ENPEP: variants seen among roughly 807,000 people sequenced by gnomAD.
The protein encoded by ENPEP is glutamyl aminopeptidase, also known as AP-A.
A neutral mutation model predicts 114.5 loss-of-function variants in ENPEP; 103 were observed. The observed-to-expected ratio is 0.90, with a 90% CI of 0.77 to 1.06. ENPEP has a LOEUF of 1.06. ENPEP is among the 50% of genes least tolerant of loss of function. ENPEP has a pLI of 0.00. For missense variants in ENPEP, 1,196 were observed against 1,161.3 expected, an observed-to-expected ratio of 1.03 and a Z score of -0.43; for synonymous variants, 420 against 422.0, an observed-to-expected ratio of 1.00 and a Z score of 0.06.
At chr4:110,505,401 AAT>A (rs1364510868) in intron 3 of ENPEP, among the ~76,000 whole-genome samples, 2 of 152,148 alleles carry the variant, frequency 1.3e-5, no homozygotes, top group Non-Finnish European at 2.9e-5. Context: ...TATTTATGCA[AAT>A]AAAGCAAGAA....
At chr4:110,483,889 T>A (rs1656555217) in intron 1 of ENPEP, among the ~76,000 whole-genome samples, 1 of 152,202 alleles carries the variant, frequency 6.6e-6, no homozygotes, top group Admixed American at 6.5e-5. Context: ...TATTCCTTGT[T>A]TTCAACTTTG....
rs545050822 is a variant in ENPEP at position 110,522,173 on chromosome 4, T to C, written c.1727+1807T>C. On this transcript the variant is annotated intron_variant, in intron 10 of 19. Transcript: ENST00000265162. ...GATTACAGGCGTGAGCCACTGTGCC[T>C]GGACTAGATAGGATTCTTTTTTTTT... 2.8e-3 allele frequency among the ~76,000 whole-genome samples: 424 copies of C among 151,708 alleles called. 2 individuals carry two copies. The highest frequency in any genetic ancestry group is 3.8e-3 in the Non-Finnish European group (258 of 67,894).
At chr4:110,533,113 G>A (rs1203414309) in intron 11 of ENPEP, 1 of 452,498 alleles carries the variant, frequency 2.2e-6, no homozygotes, top group South Asian at 1.6e-5. Context: ...GAATATCTCG[G>A]CAGCTGTTTG....
In ENPEP at chr4:110,476,803, G is replaced by T; in HGVS notation, c.389G>T (p.Arg130Leu). ...TCCATCAACCTGAGCGCTCCCACCCGGTACCTGTGGCTGCACCTCCGGGAG... is the reference window on the plus strand; with the variant it reads ...TCCATCAACCTGAGCGCTCCCACCCTGTACCTGTGGCTGCACCTCCGGGAG... Reference protein sequence around the residue: ...SISINLSAPTRYLWLHLRETR... With the variant: ...SISINLSAPTLYLWLHLRETR... Residue 130 changes from arginine to leucine, a missense_variant, in exon 1 of 20, where the codon CGG (arginine) becomes CTG (leucine). Physicochemically the swap from Arg to Leu is moderately radical, Grantham distance 102. Coordinates refer to ENST00000265162, the MANE Select transcript of ENPEP (RefSeq NM_001977.4). 1.2e-6 allele frequency: 2 copies of T among 1,614,042 alleles called. No individual in the cohort carries two copies. The highest frequency in any genetic ancestry group is 1.1e-5 in the South Asian group (1 of 91,082).
intron 11 of ENPEP, among the ~76,000 whole-genome samples, chr4:110,539,767 A>G (rs576394735): frequency 6.7e-6 from 1 of 150,040 alleles, no homozygotes; most frequent in Non-Finnish European, 1.5e-5. Context: ...AAAATAATTC[A>G]CTTAAAGGAT....
chr4:110,544,463 C>T (rs930667151), intron 13 of ENPEP, among the ~76,000 whole-genome samples: 3 of 152,034 alleles, frequency 2.0e-5, no homozygotes, highest in African/African-American at 7.2e-5. Context: ...CAAGTTTAAC[C>T]TCCTGGATAT....
Position 110,509,635 on chromosome 4 carries a change from CTCTT to C in ENPEP, c.1040-13_1040-10del, listed in dbSNP as rs1725497119. 1 of 1,604,038 alleles carries C rather than the reference CTCTT, an allele frequency of 6.2e-7. No individual in the cohort carries two copies. The highest frequency in any genetic ancestry group is 1.7e-5 in the Admixed American group (1 of 57,384). On this transcript the variant is annotated splice_polypyrimidine_tract_variant and intron_variant, in intron 4 of 19. Coordinates refer to ENST00000265162, the MANE Select transcript of ENPEP (RefSeq NM_001977.4). ...TGGAAAGAATGTATTTCTCACTGGACTCTTTCTTCTTCTATAGATAAAATCGCTA... is the reference window on the plus strand; with the variant it reads ...TGGAAAGAATGTATTTCTCACTGGACTCTTCTTCTATAGATAAAATCGCTA...
intron 11 of ENPEP, among the ~76,000 whole-genome samples, chr4:110,531,679 T>G (rs1726411274): frequency 6.6e-6 from 1 of 152,158 alleles, no homozygotes; most frequent in African/African-American, 2.4e-5. Flanking sequence ...TTAGACCATT[T>G]TTTGGAAATA....
At chr4:110,547,099 C>T (rs1727098507) in intron 13 of ENPEP, among the ~76,000 whole-genome samples, 1 of 152,038 alleles carries the variant, frequency 6.6e-6, no homozygotes, top group East Asian at 1.9e-4. Flanking sequence ...AAAAACAAAC[C>T]TTCTGCTGTA....
In ENPEP at chr4:110,516,976, C is replaced by G. The variant is rs553439873; in HGVS notation, c.1509+1534C>G. Among the ~76,000 whole-genome samples the G allele has an allele frequency of 5.3e-5, 8 of 152,122 alleles. No individual in the cohort carries two copies. In the South Asian group the frequency reaches 1.7e-3, roughly 32 times the overall value. On this transcript the variant is annotated intron_variant, in intron 8 of 19. Transcript: ENST00000265162. ...TTATTGTTATTGAGACAGAGTCTCG[C>G]TCTGTCGCCAAGGCTGGAGTGCAGT...
At chr4:110,510,681 C>A (rs537640713) in intron 6 of ENPEP, among the ~76,000 whole-genome samples, 1 of 151,542 alleles carries the variant, frequency 6.6e-6, no homozygotes, top group East Asian at 1.9e-4. Context: ...ATAGCACTAA[C>A]CCTTTGAAAA....
intron 13 of ENPEP, among the ~76,000 whole-genome samples, chr4:110,544,333 C>T (rs550102624): frequency 3.7e-4 from 56 of 152,182 alleles, no homozygotes; most frequent in Non-Finnish European, 7.7e-4. Flanking sequence ...CATTGTATTA[C>T]ATGACCAAAA....
chr4:110,515,329 CT>C, intron 7 of ENPEP, 47 bp from the exon 8 acceptor site: 2 of 1,469,908 alleles, frequency 1.4e-6, no homozygotes, highest in South Asian at 2.3e-5. Flanking sequence ...ATCATTGTTC[CT>C]TACATAGCCT....
intron 6 of ENPEP, 87 bp downstream of exon 6, chr4:110,510,445 T>A: frequency 8.8e-7 from 1 of 1,133,402 alleles, no homozygotes; most frequent in African/African-American, 1.5e-5. Flanking sequence ...TGGTCCCGAG[T>A]CAGATGGCAA....
At chr4:110,508,370 G>T (rs1725447916) in intron 4 of ENPEP, among the ~76,000 whole-genome samples, 1 of 152,058 alleles carries the variant, frequency 6.6e-6, no homozygotes. Context: ...TGGCCCTTGG[G>T]GGAGATACTT....
At position 110,513,479 on chromosome 4, in the gene ENPEP, A is replaced by ACG. The variant is rs867955591; in HGVS notation, c.1373_1374insCG (p.Pro459ValfsTer5). 1.9e-6 allele frequency: 3 copies of ACG among 1,613,440 alleles called. No individual in the cohort carries two copies. The African/African-American group carries it at 4.0e-5, about 22-fold the overall frequency. ...GAGGATGATTCTTTGATGTCTTCGCATCCAATTATTGTGACTGTGACAACC... is the reference window on the plus strand; with the variant it reads ...GAGGATGATTCTTTGATGTCTTCGCACGTCCAATTATTGTGACTGTGACAACC... On this transcript the variant is annotated frameshift_variant, in exon 7 of 20. Coordinates refer to ENST00000265162, the MANE Select transcript of ENPEP (RefSeq NM_001977.4). LOFTEE classifies it high-confidence loss of function.
At chr4:110,508,241 ATTAG>A (rs1295816646) in intron 4 of ENPEP, among the ~76,000 whole-genome samples, 6 of 142,186 alleles carry the variant, frequency 4.2e-5, no homozygotes, top group Non-Finnish European at 6.0e-5. Flanking sequence ...ATATACAAGA[ATTAG>A]TTAGTTACAA....
chr4:110,536,085 C>T (rs1269463232), intron 11 of ENPEP, among the ~76,000 whole-genome samples: 1 of 90,264 alleles, frequency 1.1e-5, no homozygotes, highest in African/African-American at 4.4e-5. Context: ...CCAACTTGGG[C>T]AACAAGAGTG....
chr4:110,559,213 A>AG (rs1419290258), intron 18 of ENPEP: 2 of 162,072 alleles, frequency 1.2e-5, no homozygotes, highest in African/African-American at 4.8e-5. Context: ...GGAAGAGGAG[A>AG]GAAAAACCAG....
Sources: allele counts gnomAD v4.1 joint callset (sites outside exome capture counted in the v4.1 genomes callset), GRCh38; gene constraint gnomAD v4.1.1; transcripts MANE v1.5; gene names NCBI Gene and HGNC (gene_info 2026-07-23, HGNC 2026-07-21).